MUC5AC: variants seen among roughly 807,000 people sequenced by gnomAD.
MUC5AC encodes mucin 5AC, oligomeric mucus/gel-forming, also known as mucin-5AC.
Under a neutral mutation model 169.7 loss-of-function variants are expected in MUC5AC, and 158 were observed. The observed-to-expected ratio is 0.93, with a 90% CI of 0.82 to 1.06. The LOEUF (loss-of-function observed/expected upper bound fraction) is 1.06. Among genes scored for constraint, MUC5AC ranks in the 50% least tolerant of loss-of-function variants. MUC5AC has a pLI of 0.00. For missense variants in MUC5AC, 4,359 were observed against 3,089.9 expected, an observed-to-expected ratio of 1.41 and a Z score of -9.74; for synonymous variants, 1,975 against 1,237.0, an observed-to-expected ratio of 1.60 and a Z score of -12.52.
At chr11:1,196,537 C>G in intron 38 of MUC5AC, 62 bp downstream of exon 38, 2 of 764,102 alleles carry the variant, frequency 2.6e-6, no homozygotes, top group South Asian at 2.7e-5. Flanking sequence ...CCCAGCCTCC[C>G]GCTGCATCTC....
chr11:1,160,223 C>T (rs1269071269), intron 1 of MUC5AC, among the ~76,000 whole-genome samples: 1 of 152,132 alleles, frequency 6.6e-6, no homozygotes, highest in Non-Finnish European at 1.5e-5. Flanking sequence ...CCTCCCATGC[C>T]TTTGACTGCT....
At chr11:1,168,399 C>A in intron 12 of MUC5AC, 84 bp from the exon 13 acceptor site, 1 of 1,373,562 alleles carries the variant, frequency 7.3e-7, no homozygotes, top group Non-Finnish European at 1.0e-6. Context: ...CTCCTAGGCA[C>A]CTGCAGGCAC....
rs1861384722 is a variant in MUC5AC, at chr11:1,200,071, G to C, written c.16700+102G>C. 4.8e-6 allele frequency: 3 copies of C among 622,730 alleles called. No homozygotes were observed. In the South Asian group the frequency reaches 5.7e-5, roughly 12 times the overall value. 38.6% of individuals were successfully genotyped at this position (622,730 alleles called of 1,614,324 possible). On this transcript the variant is annotated intron_variant, in intron 48 of 48. Coordinates refer to ENST00000621226, the MANE Select transcript of MUC5AC (RefSeq NM_001304359.2). ...AGATAGACGAGGGGCAGGACCATGA[G>C]GGGCCAGGCAAAGGGCTCTGAGGGT...
At chr11:1,159,692 C>T (rs1407266937) in intron 1 of MUC5AC, among the ~76,000 whole-genome samples, 3 of 105,448 alleles carry the variant, frequency 2.8e-5, no homozygotes, top group African/African-American at 7.0e-5. Flanking sequence ...TGGTTCTGTG[C>T]GGGGCTGTGT....
In MUC5AC at chr11:1,169,007, C is replaced by T; in HGVS notation, c.1851C>T (p.Cys617=). The T allele has an allele frequency of 1.3e-6, 2 of 1,597,982 alleles. No homozygotes were observed. The highest frequency in any genetic ancestry group is 2.2e-5 in the East Asian group (1 of 44,682). ...PNIRNSFEDP[C]SLSVENEKYA... ...TCAGGAACAGCTTCGAGGACCCCTG[C>T]TCTCTGAGCGTGGAGAATGGTACGG... Residue 617 remains cysteine, a synonymous_variant, in exon 15 of 49, where the codon TGC becomes TGT. Coordinates refer to ENST00000621226, the MANE Select transcript of MUC5AC (RefSeq NM_001304359.2).
At chr11:1,199,278 G>T in intron 45 of MUC5AC, 93 bp downstream of exon 45, 2 of 697,708 alleles carry the variant, frequency 2.9e-6, no homozygotes, top group East Asian at 2.7e-5. Flanking sequence ...TCTGGCAGAG[G>T]CTGGGGACTC....
rs1861005344 is a variant in MUC5AC at position 1,188,400 on chromosome 11, A to G, written c.10255A>G (p.Thr3419Ala). ...APTSSTTSAP[T>A]SSTISARTTS... is the part of the protein sequence containing the mutation. Reference sequence around the variant, plus strand: ...TACAAGCAGCACAACCTCGGCTCCTACAAGCAGCACAATCTCTGCTCGTAC... The same window carrying G: ...TACAAGCAGCACAACCTCGGCTCCTGCAAGCAGCACAATCTCTGCTCGTAC... Residue 3419 changes from threonine (T) to alanine (A), a missense_variant, in exon 31 of 49, where the codon ACA becomes GCA. By Grantham distance (58) the Thr-to-Ala change is moderately conservative (BLOSUM62 0). Transcript: ENST00000621226. 1 of 629,736 alleles carries G rather than the reference A, an allele frequency of 1.6e-6. No homozygotes were observed. Among genetic ancestry groups the G allele is most frequent in the South Asian group, 1.7e-5 (1 of 58,902 alleles). The allele number at this position is 629,736 out of a possible 1,614,324, so 39.0% of individuals were successfully genotyped here. A position where few individuals can be genotyped will look rare whatever the true frequency, so the allele number is the denominator to read the frequency against.
In MUC5AC at chr11:1,201,035, G is replaced by A. The variant is rs1861416680; in HGVS notation, c.*333G>A. On this transcript the variant is annotated 3_prime_UTR_variant, in exon 49 of 49. Transcript: ENST00000621226. ...TGGACATGGTGATCAGCTGCCTGGT[G>A]GCTGCAGGAGGAAGAACCTCACTCC... 4.0e-6 allele frequency: 1 copy of A among 247,660 alleles called. No individual in the cohort carries two copies. The allele number at this position is 247,660 out of a possible 1,614,324, so 15.3% of individuals were successfully genotyped here.
rs566132149 is a variant in MUC5AC, at chr11:1,194,150, C to T, written c.14796C>T (p.Phe4932=). The change falls in exon 34 of 49, where the codon TTC becomes TTT. Residue 4932 remains phenylalanine, a synonymous_variant. Transcript: ENST00000621226. The part of the protein sequence containing the change: ...SGWGDPHYIT[F]DGTYYTFLDN... Reference sequence around the variant, plus strand: ...GGGGTGACCCCCACTACATCACCTTCGACGGCACCTACTACACCTTCCTGG... The same window carrying T: ...GGGGTGACCCCCACTACATCACCTTTGACGGCACCTACTACACCTTCCTGG... The T allele has an allele frequency of 1.6e-4, 126 of 765,046 alleles. 4 individuals carry two copies. In the Middle Eastern group the frequency reaches 5.0e-3, roughly 30 times the overall value. 47.4% of individuals were successfully genotyped at this position (765,046 alleles called of 1,614,324 possible). A position where few individuals can be genotyped will look rare whatever the true frequency, so the allele number is the denominator to read the frequency against.
At chr11:1,158,507 C>A (rs1358609342) in intron 1 of MUC5AC, among the ~76,000 whole-genome samples, 1 of 152,230 alleles carries the variant, frequency 6.6e-6, no homozygotes, top group African/African-American at 2.4e-5. Flanking sequence ...CTGTCTGGGC[C>A]TCGATGGGGA....
chr11:1,169,712 C>T (rs1247568767), intron 15 of MUC5AC, among the ~76,000 whole-genome samples: 1 of 145,328 alleles, frequency 6.9e-6, no homozygotes, highest in Non-Finnish European at 1.5e-5. Context: ...ACTCACCTCA[C>T]TCACTGACTC....
At position 1,187,029 on chromosome 11, in the gene MUC5AC, A is replaced by G; in HGVS notation, c.8884A>G (p.Thr2962Ala). 1 of 747,600 alleles carries G rather than the reference A, an allele frequency of 1.3e-6. No individual in the cohort carries two copies. The highest frequency in any genetic ancestry group is 2.4e-6 in the Non-Finnish European group (1 of 409,518). The allele number at this position is 747,600 out of a possible 1,614,324, so 46.3% of individuals were successfully genotyped here. Residue 2962 changes from threonine to alanine, a missense_variant, in exon 31 of 49, where the codon ACC becomes GCC. Physicochemically the swap from Thr to Ala is moderately conservative, Grantham distance 58. Transcript: ENST00000621226. ...PTTSTISVPT[T>A]STTSASTTST... ...CACCAGCACAATCTCTGTTCCTACC[A>G]CCAGCACAACTTCTGCTTCTACAAC...
At position 1,188,603 on chromosome 11, in the gene MUC5AC, C is replaced by A. The variant is rs1214146915; in HGVS notation, c.10458C>A (p.Pro3486=). 2.0e-5 allele frequency: 15 copies of A among 764,944 alleles called. No individual in the cohort carries two copies. The Admixed American group carries it at 2.4e-4, about 12-fold the overall frequency. The allele number at this position is 764,944 out of a possible 1,614,324, so 47.4% of individuals were successfully genotyped here. A position where few individuals can be genotyped will look rare whatever the true frequency, so the allele number is the denominator to read the frequency against. ...SSTTSGSGTT[P]SPVTTTSTAS... is the part of the protein sequence containing the mutation. Reference sequence around the variant, plus strand: ...CAACCTCCGGTTCTGGAACTACTCCCAGCCCTGTTACCACCACCAGCACAG... The same window carrying A: ...CAACCTCCGGTTCTGGAACTACTCCAAGCCCTGTTACCACCACCAGCACAG... Residue 3486 remains proline, a synonymous_variant, in exon 31 of 49, where the codon CCC becomes CCA. Coordinates refer to ENST00000621226, the MANE Select transcript of MUC5AC (RefSeq NM_001304359.2).
In MUC5AC at chr11:1,163,882, A is replaced by T; in HGVS notation, c.680A>T (p.Asn227Ile). The change falls in exon 7 of 49, where the codon AAC becomes ATC. Residue 227 changes from asparagine (N) to isoleucine (I), a missense_variant and splice_region_variant. Coordinates refer to ENST00000621226, the MANE Select transcript of MUC5AC (RefSeq NM_001304359.2). ...MPVVSELLSHNTKLTPMEFGN... is the reference protein window; with the variant it reads ...MPVVSELLSHITKLTPMEFGN... ...GAGCCCGCCTCTGTGCTTGCCGCAG[A>T]CACCAAGCTGACACCCATGGAATTC... 1 of 1,603,784 alleles carries T rather than the reference A, an allele frequency of 6.2e-7. No homozygotes were observed. The highest frequency in any genetic ancestry group is 1.1e-5 in the South Asian group (1 of 89,298).
chr11:1,163,370 G>A (rs1438155034), intron 6 of MUC5AC, among the ~76,000 whole-genome samples: 1 of 152,300 alleles, frequency 6.6e-6, no homozygotes, highest in Non-Finnish European at 1.5e-5. Context: ...CCAGGCAGTG[G>A]CCTTGCAAAT....
Position 1,194,869 on chromosome 11 carries a change from C to A in MUC5AC, c.15191-143C>A, listed in dbSNP as rs75971001. On this transcript the variant is annotated intron_variant, in intron 35 of 48. Transcript: ENST00000621226. Reference sequence around the variant, plus strand: ...CCATAGGGACTGTCCCAGGGTTGTTCTCGGGGGACAGTGAGGCACAGGCAG... The same window carrying A: ...CCATAGGGACTGTCCCAGGGTTGTTATCGGGGGACAGTGAGGCACAGGCAG... The A allele has an allele frequency of 1.4e-3, 862 of 617,302 alleles. 2 individuals are homozygous for A. Among genetic ancestry groups the A allele is most frequent in the Non-Finnish European group, 2.1e-3 (707 of 343,174 alleles). 38.2% of individuals were successfully genotyped at this position (617,302 alleles called of 1,614,324 possible). A position where few individuals can be genotyped will look rare whatever the true frequency, so the allele number is the denominator to read the frequency against.
Position 1,186,296 on chromosome 11 carries a change from C to T in MUC5AC, c.8151C>T (p.Thr2717=), listed in dbSNP as rs1475485084. The change falls in exon 31 of 49, where the codon ACC becomes ACT. Residue 2717 remains threonine, a synonymous_variant. Coordinates refer to ENST00000621226, the MANE Select transcript of MUC5AC (RefSeq NM_001304359.2). Reference sequence around the variant, plus strand: ...CCTCTGCTCCCACAACAAGCACAACCTCTGCCCCTACAACCAGCACAATCT... The same window carrying T: ...CCTCTGCTCCCACAACAAGCACAACTTCTGCCCCTACAACCAGCACAATCT... The part of the protein sequence containing the change: ...STTSAPTTST[T]SAPTTSTISA... 1.4e-6 allele frequency: 1 copy of T among 731,008 alleles called. No homozygotes were observed. Among genetic ancestry groups the T allele is most frequent in the Non-Finnish European group, 2.5e-6 (1 of 401,056 alleles). The allele number at this position is 731,008 out of a possible 1,614,324, so 45.3% of individuals were successfully genotyped here.
intron 1 of MUC5AC, among the ~76,000 whole-genome samples, chr11:1,158,593 G>C (rs34582600): frequency 0.5 from 75,546 of 151,972 alleles, 20,818 homozygotes; most frequent in East Asian, 0.69. Context: ...TTTCACCCCC[G>C]CCCTGAGGCT....
At position 1,164,328 on chromosome 11, in the gene MUC5AC, C is replaced by G. The variant is rs982422556; in HGVS notation, c.1003+9C>G. ...GGGCCCTGACTTCTGCCGTGAGTGT[C>G]CCAGCCCCCTGTCCCCCAACCCCTT... On this transcript the variant is annotated intron_variant, in intron 8 of 48. Transcript: ENST00000621226. 6.2e-7 allele frequency: 1 copy of G among 1,611,838 alleles called. No homozygotes were observed. Among genetic ancestry groups the G allele is most frequent in the East Asian group, 2.2e-5 (1 of 44,882 alleles).
Sources: gnomAD v4.1 joint callset for allele counts (sites outside exome capture counted in the v4.1 genomes callset) on GRCh38, gnomAD v4.1.1 for gene constraint, MANE v1.5 for transcripts, NCBI Gene and HGNC (gene_info 2026-07-23, HGNC 2026-07-21) for gene names.